SAP130: variants seen among roughly 807,000 people sequenced by gnomAD.
SAP130 encodes the protein Sin3A associated protein 130.
Under a neutral mutation model 103.2 loss-of-function variants are expected in SAP130, and 16 were observed. The ratio of observed to expected loss-of-function variants is 0.16; its 90% CI spans 0.10 to 0.24. The LOEUF is 0.24. Ranked by LOEUF, SAP130 falls within the 10% of genes least tolerant of loss-of-function variation. SAP130 has a pLI of 1.00. For missense variants in SAP130, 990 were observed against 1,359.7 expected, an observed-to-expected ratio of 0.73 and a Z score of 4.28; for synonymous variants, 477 against 497.0, an observed-to-expected ratio of 0.96 and a Z score of 0.53.
At chr2:128,020,453 A>G (rs887876001) in intron 2 of SAP130, among the ~76,000 whole-genome samples, 1 of 152,248 alleles carries the variant, frequency 6.6e-6, no homozygotes, top group African/African-American at 2.4e-5. Flanking sequence ...ACTTACAGGT[A>G]TGAGATTCAT....
intron 18 of SAP130, among the ~76,000 whole-genome samples, chr2:127,949,280 A>G (rs1679331595): frequency 6.6e-6 from 1 of 152,224 alleles, no homozygotes; most frequent in African/African-American, 2.4e-5. Context: ...TGGCACTTAA[A>G]GTCCATCCGT....
intron 15 of SAP130, among the ~76,000 whole-genome samples, chr2:127,970,004 CG>C (rs1162580192): frequency 2.7e-5 from 4 of 149,974 alleles, no homozygotes; most frequent in African/African-American, 4.9e-5. Flanking sequence ...CCGAGGTGGG[CG>C]GATCACGAGG....
chr2:128,020,470 T>C (rs1685077189), intron 2 of SAP130, among the ~76,000 whole-genome samples: 1 of 152,200 alleles, frequency 6.6e-6, no homozygotes, highest in Admixed American at 6.5e-5. Flanking sequence ...TCATTCACAT[T>C]AGTGTACACA....
At chr2:127,982,348 CAA>C (rs756237125) in intron 14 of SAP130, among the ~76,000 whole-genome samples, 13 of 152,128 alleles carry the variant, frequency 8.5e-5, no homozygotes, top group Non-Finnish European at 1.5e-4. Context: ...CTTGAATAGA[CAA>C]GAGAGGAGGA....
chr2:127,985,074 G>A (rs1309879915), intron 14 of SAP130, among the ~76,000 whole-genome samples: 2 of 152,194 alleles, frequency 1.3e-5, no homozygotes, highest in Admixed American at 6.5e-5. Context: ...GGACGCCATC[G>A]CGTGATGGTC....
At chr2:128,018,313 C>CAAAA (rs200188563) in intron 2 of SAP130, among the ~76,000 whole-genome samples, 58 of 50,502 alleles carry the variant, frequency 1.1e-3, no homozygotes, top group Middle Eastern at 0.011. Context: ...ACTAAAAATA[C>CAAAA]AAAAAAAAAA....
At chr2:127,966,758 T>C (rs1680690646) in intron 15 of SAP130, among the ~76,000 whole-genome samples, 1 of 152,206 alleles carries the variant, frequency 6.6e-6, no homozygotes, top group Non-Finnish European at 1.5e-5. Context: ...GAATTCCACC[T>C]TTTCTGATAA....
In SAP130 at chr2:127,950,370, G is replaced by T; in HGVS notation, c.2461C>A (p.Leu821Ile). ...GACAAGTTGTTTGCCAGCAATGCAA[G>T]AGATGGAGACACAGTGTTGGTAGCC... Reference protein sequence around the residue: ...PLATNTVSPSLALLANNLSMP... With the variant: ...PLATNTVSPSIALLANNLSMP... Residue 821 changes from leucine to isoleucine, a missense_variant, in exon 17 of 21, where the codon CTT (leucine) becomes ATT (isoleucine). Leu to Ile is a conservative substitution (Grantham distance 5, BLOSUM62 2). Around this residue, in one of 6 missense-constraint regions of SAP130, gnomAD observed 349 missense variants for 384.1 expected, o/e 0.91. Coordinates refer to ENST00000643581, the MANE Select transcript of SAP130 (RefSeq NM_001330301.2). The T allele has an allele frequency of 6.2e-7, 1 of 1,614,226 alleles. No homozygotes were observed. Among genetic ancestry groups the T allele is most frequent in the South Asian group, 1.1e-5 (1 of 91,088 alleles).
intron 14 of SAP130, among the ~76,000 whole-genome samples, chr2:127,981,517 C>A (rs1681910769): frequency 9.1e-6 from 1 of 109,296 alleles, no homozygotes; most frequent in Non-Finnish European, 1.8e-5. Context: ...CCTCTTGCAC[C>A]CCTGACTCAG....
intron 12 of SAP130, among the ~76,000 whole-genome samples, chr2:127,990,888 G>GGTAT (rs1177607683): frequency 2.6e-5 from 4 of 151,126 alleles, no homozygotes; most frequent in African/African-American, 9.7e-5. Flanking sequence ...GAGGCAGTGA[G>GGTAT]GTATGATTGC....
intron 15 of SAP130, among the ~76,000 whole-genome samples, chr2:127,970,360 G>C (rs1268484440): frequency 1.3e-5 from 2 of 151,334 alleles, no homozygotes; most frequent in Non-Finnish European, 1.5e-5. Flanking sequence ...GGCCAACATG[G>C]TGAAACCCTG....
chr2:128,021,685 G>A (rs1685174170), intron 2 of SAP130, among the ~76,000 whole-genome samples: 1 of 152,168 alleles, frequency 6.6e-6, no homozygotes, highest in South Asian at 2.1e-4. Flanking sequence ...GGGTCAAATG[G>A]TAAGTATATG....
At chr2:128,003,032 T>C (rs1474125528) in intron 7 of SAP130, among the ~76,000 whole-genome samples, 2 of 151,398 alleles carry the variant, frequency 1.3e-5, no homozygotes, top group East Asian at 3.9e-4. Flanking sequence ...GAGGCCGAAG[T>C]GGGAGGATCG....
intron 11 of SAP130, 115 bp from the exon 12 acceptor site, chr2:127,993,423 C>T (rs1279971987): frequency 2.9e-5 from 33 of 1,125,788 alleles, no homozygotes; most frequent in Middle Eastern, 2.6e-4. Flanking sequence ...AAGCTTTGCT[C>T]AAATTGTGTC....
At chr2:127,962,521 A>T (rs1387808096) in intron 15 of SAP130, among the ~76,000 whole-genome samples, 1 of 152,256 alleles carries the variant, frequency 6.6e-6, no homozygotes, top group East Asian at 1.9e-4. Flanking sequence ...AATGTGGCAC[A>T]TATACACCAT....
chr2:127,945,411 T>C (rs1679006748), intron 19 of SAP130, 45 bp downstream of exon 19: 1 of 1,161,880 alleles, frequency 8.6e-7, no homozygotes, highest in African/African-American at 1.5e-5. Flanking sequence ...TGCAGTGTCT[T>C]CTCCTCTCTT....
chr2:127,995,455 T>C (rs1371695642), intron 11 of SAP130, among the ~76,000 whole-genome samples: 1 of 152,066 alleles, frequency 6.6e-6, no homozygotes, highest in Non-Finnish European at 1.5e-5. Context: ...ATTCTAATAA[T>C]GAATAAAAGC....
intron 15 of SAP130, among the ~76,000 whole-genome samples, chr2:127,965,290 C>T (rs1419858760): frequency 6.6e-6 from 1 of 151,792 alleles, no homozygotes; most frequent in East Asian, 2.0e-4. Context: ...AGCGAGACTC[C>T]GTCTCTAAAC....
At chr2:128,017,654 T>C (rs1267457708) in intron 3 of SAP130, 26 bp downstream of exon 3, 1 of 1,579,804 alleles carries the variant, frequency 6.3e-7, no homozygotes, top group East Asian at 2.2e-5. Flanking sequence ...TCTGGTTCAG[T>C]GTGAAGTTTT....
Sources: gnomAD v4.1 joint callset for allele counts (sites outside exome capture counted in the v4.1 genomes callset) on GRCh38, gnomAD v4.1.1 for gene constraint, gnomAD v4.1.1 regional missense constraint, MANE v1.5 for transcripts, NCBI Gene and HGNC (gene_info 2026-07-23, HGNC 2026-07-21) for gene names.